Variants in TET1 observed in about 807,000 individuals in gnomAD.
The protein encoded by TET1 is tet methylcytosine dioxygenase 1, also known as methylcytosine dioxygenase TET1.
In TET1, 13 loss-of-function variants were observed where a neutral mutation model predicts 148.7. That is an observed-to-expected ratio of 0.09 (90% CI 0.06 to 0.14). TET1 has a LOEUF of 0.14. TET1 is among the 10% of genes least tolerant of loss of function. The probability of loss-of-function intolerance (pLI) is 1.00; values close to 1 mark genes in which losing one functional copy is unlikely to be tolerated. For missense variants in TET1, 2,182 were observed against 2,553.8 expected (o/e 0.85, Z 3.14); for synonymous variants, 907 against 937.2 (o/e 0.97, Z 0.59).
chr10:68,627,666 G>A (rs1181421378), intron 3 of TET1, among the ~76,000 whole-genome samples: 8 of 151,420 alleles, frequency 5.3e-5, no homozygotes, highest in African/African-American at 9.7e-5. Flanking sequence ...GGTGGCTCAC[G>A]CTGTAATCCT....
intron 3 of TET1, among the ~76,000 whole-genome samples, chr10:68,632,061 A>T (rs1325214308): frequency 6.6e-6 from 1 of 152,006 alleles, no homozygotes; most frequent in East Asian, 1.9e-4. Context: ...GTGGTGGCTC[A>T]TGCCTGTAAT....
At chr10:68,631,433 CTTTTT>C (rs546257824) in intron 3 of TET1, among the ~76,000 whole-genome samples, 1 of 110,588 alleles carries the variant, frequency 9.0e-6, no homozygotes, top group African/African-American at 3.3e-5. Flanking sequence ...TTTCTTTCTT[CTTTTT>C]TTTTTTTTTT....
At chr10:68,574,813 A>G (rs1477928687) in intron 2 of TET1, among the ~76,000 whole-genome samples, 1 of 152,182 alleles carries the variant, frequency 6.6e-6, no homozygotes, top group African/African-American at 2.4e-5. Flanking sequence ...TACCAACCTC[A>G]TAGGGTTGTT....
chr10:68,679,033 C>T (rs375068541), intron 8 of TET1, among the ~76,000 whole-genome samples: 3 of 151,804 alleles, frequency 2.0e-5, no homozygotes, highest in African/African-American at 4.8e-5. Context: ...AAAAATTATC[C>T]GGGCGTGGTG....
At chr10:68,589,662 A>ATTT (rs57278279) in intron 2 of TET1, among the ~76,000 whole-genome samples, 83 of 109,724 alleles carry the variant, frequency 7.6e-4, no homozygotes, top group African/African-American at 2.8e-3. Context: ...AATATCTCCA[A>ATTT]TTTTTTTTTT....
rs765328003 is a variant in TET1 at position 68,646,200 on chromosome 10, T to G, written c.3471T>G (p.Asp1157Glu). 1.2e-6 allele frequency: 2 copies of G among 1,613,850 alleles called. No individual in the cohort carries two copies. The highest frequency in any genetic ancestry group is 1.7e-6 in the Non-Finnish European group (2 of 1,179,970). Reference sequence around the variant, plus strand: ...AGACAAAATCCACCCCATCAAGAGATCGGCGGAAAAAGAAGCCCACAGTTG... The same window carrying G: ...AGACAAAATCCACCCCATCAAGAGAGCGGCGGAAAAAGAAGCCCACAGTTG... Reference protein sequence around the residue: ...QKKTKSTPSRDRRKKKPTVVS... With the variant: ...QKKTKSTPSRERRKKKPTVVS... The change falls in exon 4 of 12, where the codon GAT (aspartate) becomes GAG (glutamate). Residue 1157 changes from aspartate to glutamate, a missense_variant. Physicochemically the swap from Asp to Glu is conservative, Grantham distance 45. Transcript: ENST00000373644.
intron 9 of TET1, among the ~76,000 whole-genome samples, 176 bp from the exon 10 acceptor site, chr10:68,682,660 A>C (rs1468603543): frequency 6.6e-6 from 1 of 152,142 alleles, no homozygotes; most frequent in Non-Finnish European, 1.5e-5. Flanking sequence ...TGTATTGTCA[A>C]GTGCTTTCTC....
Position 68,573,876 on chromosome 10 carries a change from A to G in TET1, c.1538A>G (p.Gln513Arg), listed in dbSNP as rs1413768012. ...VHISFLPANTQGFPLAPERGL... is the reference protein window; with the variant it reads ...VHISFLPANTRGFPLAPERGL... ...ATAAGCTTCCTGCCAGCTAACACTCAGGGGTTCCCATTAGCCCCTGAGAGA... is the reference window on the plus strand; with the variant it reads ...ATAAGCTTCCTGCCAGCTAACACTCGGGGGTTCCCATTAGCCCCTGAGAGA... Residue 513 changes from glutamine (Q) to arginine (R), a missense_variant, in exon 2 of 12, where the codon CAG becomes CGG. Gln to Arg is a conservative substitution (Grantham distance 43). Around this residue, in one of 11 missense-constraint regions of TET1, gnomAD observed 665 missense variants for 672.4 expected, o/e 0.99. Transcript: ENST00000373644. 5 of 1,614,160 alleles carry G rather than the reference A, an allele frequency of 3.1e-6. No homozygotes were observed. The highest frequency in any genetic ancestry group is 4.2e-6 in the Non-Finnish European group (5 of 1,180,030).
At chr10:68,612,009 A>C (rs1481326527) in intron 3 of TET1, among the ~76,000 whole-genome samples, 1 of 152,102 alleles carries the variant, frequency 6.6e-6, no homozygotes, top group Non-Finnish European at 1.5e-5. Flanking sequence ...GCCTATATTC[A>C]ACAGAGGCTT....
intron 9 of TET1, 148 bp from the exon 10 acceptor site, chr10:68,682,688 A>T: frequency 1.1e-6 from 1 of 882,264 alleles, no homozygotes; most frequent in Non-Finnish European, 1.7e-6. Flanking sequence ...TTGCTAAGCT[A>T]CACCTTCATG....
chr10:68,561,881 C>T (rs1005980555), intron 1 of TET1, among the ~76,000 whole-genome samples: 3 of 152,036 alleles, frequency 2.0e-5, no homozygotes, highest in Non-Finnish European at 4.4e-5. Context: ...TCCAAAAGAA[C>T]ACTTAAAGCT....
At chr10:68,625,465 T>G (rs1255989084) in intron 3 of TET1, among the ~76,000 whole-genome samples, 1 of 152,178 alleles carries the variant, frequency 6.6e-6, no homozygotes. Flanking sequence ...TCAAAGTCGC[T>G]TAAAAGCGGG....
chr10:68,656,944 T>G (rs1036362052), intron 6 of TET1, among the ~76,000 whole-genome samples: 1 of 151,176 alleles, frequency 6.6e-6, no homozygotes, highest in Non-Finnish European at 1.5e-5. Flanking sequence ...GAGAATCACT[T>G]GAACCCAGGA....
intron 2 of TET1, among the ~76,000 whole-genome samples, chr10:68,587,120 A>G (rs960494054): frequency 6.6e-6 from 1 of 152,162 alleles, no homozygotes; most frequent in African/African-American, 2.4e-5. Flanking sequence ...TTCCAGCGAG[A>G]TGACTATGCC....
At chr10:68,650,230 A>T (rs2054911490) in intron 4 of TET1, among the ~76,000 whole-genome samples, 1 of 152,188 alleles carries the variant, frequency 6.6e-6, no homozygotes, top group Non-Finnish European at 1.5e-5. Flanking sequence ...TGTCACGACC[A>T]AAAATGTCTC....
intron 8 of TET1, among the ~76,000 whole-genome samples, chr10:68,676,516 C>T (rs146841099): frequency 9.9e-5 from 15 of 151,522 alleles, no homozygotes; most frequent in South Asian, 2.1e-4. Context: ...CCTTGTGATC[C>T]GCCTGCCTCA....
intron 3 of TET1, among the ~76,000 whole-genome samples, chr10:68,631,256 C>T (rs768380435): frequency 1.7e-4 from 26 of 152,194 alleles, no homozygotes; most frequent in African/African-American, 6.3e-4. Flanking sequence ...GTGGGGACTA[C>T]GTTGGTGAAT....
At chr10:68,661,105 C>CTT (rs2055104135) in intron 6 of TET1, among the ~76,000 whole-genome samples, 1 of 151,296 alleles carries the variant, frequency 6.6e-6, no homozygotes, top group Non-Finnish European at 1.5e-5. Context: ...TCTCGGCTCA[C>CTT]TGCAAGCTCC....
chr10:68,685,775 G>A (rs2055500317), intron 10 of TET1, among the ~76,000 whole-genome samples: 1 of 151,978 alleles, frequency 6.6e-6, no homozygotes. Context: ...CAAATTTATT[G>A]ATATTTATTG....
Sources: gnomAD v4.1 joint callset for allele counts (sites outside exome capture counted in the v4.1 genomes callset) on GRCh38, gnomAD v4.1.1 for gene constraint, gnomAD v4.1.1 regional missense constraint, MANE v1.5 for transcripts, NCBI Gene and HGNC (gene_info 2026-07-23, HGNC 2026-07-21) for gene names.